The following C8orf34 variants were observed in gnomAD, a reference collection of about 807,000 sequenced individuals.
The protein encoded by C8orf34 is chromosome 8 open reading frame 34.
Under a neutral mutation model 68.3 loss-of-function variants are expected in C8orf34, and 65 were observed. The ratio of observed to expected loss-of-function variants is 0.95; its 90% confidence interval spans 0.78 to 1.17. The LOEUF (loss-of-function observed/expected upper bound fraction) is 1.17. C8orf34 is among the 50% of genes most tolerant of loss of function. C8orf34 has a pLI of 0.00. For synonymous variants in C8orf34, 244 were observed against 241.2 expected, an observed-to-expected ratio of 1.01 and a Z score of -0.11; for missense variants, 664 against 655.4, an observed-to-expected ratio of 1.01 and a Z score of -0.14.
chr8:68,657,199 A>G (rs1307758835), intron 8 of C8orf34, among the ~76,000 whole-genome samples: 1 of 152,170 alleles, frequency 6.6e-6, no homozygotes, highest in Non-Finnish European at 1.5e-5. Context: ...CTGTTTAAGC[A>G]CAGTTCACAT....
intron 1 of C8orf34, among the ~76,000 whole-genome samples, chr8:68,389,954 A>G (rs770167848): frequency 5.3e-5 from 8 of 152,114 alleles, no homozygotes; most frequent in Admixed American, 1.3e-4. Flanking sequence ...GGTGTTATGT[A>G]TTAAGCATGT....
chr8:68,366,257 C>G (rs1454110513), intron 1 of C8orf34, among the ~76,000 whole-genome samples: 28 of 111,324 alleles, frequency 2.5e-4, no homozygotes, highest in East Asian at 7.7e-4. Flanking sequence ...AGGATACAAA[C>G]AAATGGAAGA....
At chr8:68,810,277 G>A (rs4480113) in intron 12 of C8orf34, among the ~76,000 whole-genome samples, 13,398 of 152,208 alleles carry the variant, frequency 0.088, 907 homozygotes, top group East Asian at 0.36. Flanking sequence ...TGCTGGCTGC[G>A]GCAGGGCAGG....
chr8:68,476,960 G>A (rs1812644971), intron 4 of C8orf34, among the ~76,000 whole-genome samples: 1 of 152,174 alleles, frequency 6.6e-6, no homozygotes, highest in East Asian at 1.9e-4. Flanking sequence ...TAGGGAGGGA[G>A]TATGATAATT....
At chr8:68,333,885 C>T (rs960586330) in intron 1 of C8orf34, among the ~76,000 whole-genome samples, 1 of 152,144 alleles carries the variant, frequency 6.6e-6, no homozygotes, top group Non-Finnish European at 1.5e-5. Flanking sequence ...AGGCTTCTTT[C>T]AGTTTGGAAA....
intron 7 of C8orf34, among the ~76,000 whole-genome samples, chr8:68,552,740 CTT>C (rs1404602904): frequency 6.6e-6 from 1 of 151,942 alleles, no homozygotes; most frequent in Admixed American, 6.6e-5. Context: ...AGAAAGTTCT[CTT>C]TTATTTCTAG....
At chr8:68,439,732 C>G (rs767436447) in intron 2 of C8orf34, 86 bp downstream of exon 2, 1 of 1,322,530 alleles carries the variant, frequency 7.6e-7, no homozygotes, top group Non-Finnish European at 1.0e-6. Flanking sequence ...TAAGATAAAT[C>G]TAGATAGATA....
At chr8:68,637,626 A>C (rs1400823890) in intron 7 of C8orf34, among the ~76,000 whole-genome samples, 1 of 152,154 alleles carries the variant, frequency 6.6e-6, no homozygotes, top group Non-Finnish European at 1.5e-5. Context: ...ATCTCTATTA[A>C]TCTCTTCCAG....
At chr8:68,610,861 G>GTTTTTTTTTTTTTTTT (rs60113883) in intron 7 of C8orf34, among the ~76,000 whole-genome samples, 2 of 120,476 alleles carry the variant, frequency 1.7e-5, no homozygotes, top group African/African-American at 6.9e-5. Flanking sequence ...TGAATCTTTG[G>GTTTTTTTTTTTTTTTT]TTTTTTTTTT....
intron 3 of C8orf34, among the ~76,000 whole-genome samples, chr8:68,461,792 C>A (rs969190013): frequency 6.6e-6 from 1 of 152,110 alleles, no homozygotes; most frequent in South Asian, 2.1e-4. Flanking sequence ...CTGAAGGAAG[C>A]ACTAAACATG....
chr8:68,584,785 T>C (rs1020750789), intron 7 of C8orf34, among the ~76,000 whole-genome samples: 2 of 152,156 alleles, frequency 1.3e-5, no homozygotes, highest in African/African-American at 4.8e-5. Flanking sequence ...TCTTATTGCA[T>C]AGAAATGGAA....
chr8:68,578,163 T>C (rs2130326527), intron 7 of C8orf34, among the ~76,000 whole-genome samples: 2 of 152,138 alleles, frequency 1.3e-5, no homozygotes, highest in South Asian at 2.1e-4. Flanking sequence ...TTGGGGCTAA[T>C]ACATTTTACT....
At chr8:68,473,618 G>A (rs1262532055) in intron 4 of C8orf34, among the ~76,000 whole-genome samples, 1 of 151,998 alleles carries the variant, frequency 6.6e-6, no homozygotes, top group Non-Finnish European at 1.5e-5. Context: ...AATGATTTGG[G>A]GGCTGCTTTT....
intron 1 of C8orf34, chr8:68,438,652 A>C (rs1810766357): frequency 6.6e-6 from 1 of 152,224 alleles, no homozygotes; most frequent in African/African-American, 2.4e-5. Flanking sequence ...TGGTGCACAT[A>C]AGTTCACAAA....
rs960687170 is a variant in C8orf34 at position 68,455,173 on chromosome 8, C to T, written c.607+8713C>T. 6.6e-5 allele frequency among the ~76,000 whole-genome samples: 10 copies of T among 152,228 alleles called. No individual in the cohort carries two copies. In the South Asian group the frequency reaches 1.7e-3, roughly 25 times the overall value. On this transcript the variant is annotated intron_variant, in intron 3 of 13. Transcript: ENST00000518698. ...TATTTTGTTGCCTAACATAAGATCT[C>T]TCCTAGAGAATGTTCCATGCACACT...
At chr8:68,614,683 T>C (rs1310845415) in intron 7 of C8orf34, among the ~76,000 whole-genome samples, 1 of 152,218 alleles carries the variant, frequency 6.6e-6, no homozygotes, top group African/African-American at 2.4e-5. Context: ...GCTGTTTTGG[T>C]TACTGTAGCC....
chr8:68,799,711 T>C (rs1824274881), intron 12 of C8orf34, among the ~76,000 whole-genome samples: 1 of 152,138 alleles, frequency 6.6e-6, no homozygotes, highest in Non-Finnish European at 1.5e-5. Context: ...GTTTCCCCTA[T>C]CAAGTTATAG....
intron 7 of C8orf34, among the ~76,000 whole-genome samples, chr8:68,544,888 T>C (rs1056131865): frequency 2.6e-5 from 4 of 152,148 alleles, no homozygotes; most frequent in Admixed American, 2.0e-4. Flanking sequence ...ACAAGCTTCA[T>C]TGGTCAGTGC....
At chr8:68,340,536 A>C (rs1806026619) in intron 1 of C8orf34, among the ~76,000 whole-genome samples, 1 of 152,180 alleles carries the variant, frequency 6.6e-6, no homozygotes, top group African/African-American at 2.4e-5. Flanking sequence ...AAGAATAATA[A>C]GGAAATACTA....
Sources: gnomAD v4.1 joint callset for allele counts (sites outside exome capture counted in the v4.1 genomes callset) on GRCh38, gnomAD v4.1.1 for gene constraint, MANE v1.5 for transcripts, NCBI Gene and HGNC (gene_info 2026-07-23, HGNC 2026-07-21) for gene names.